The following GPC4 variants were observed in gnomAD, a reference collection of about 807,000 sequenced individuals.
GPC4 encodes the protein glypican-4.
GPC4 carries 10 observed loss-of-function variants against 35.0 expected under a neutral mutation model. The observed-to-expected ratio is 0.29, with a 90% CI of 0.18 to 0.48. The LOEUF is 0.48. Ranked by LOEUF, GPC4 falls within the 20% of genes least tolerant of loss-of-function variation. The pLI is 0.99. For missense variants in GPC4, 322 were observed against 451.3 expected, an observed-to-expected ratio of 0.71 and a Z score of 2.60; for synonymous variants, 167 against 170.2, an observed-to-expected ratio of 0.98 and a Z score of 0.15.
chrX:133,415,054 G>T lies in GPC4; in HGVS notation c.-89C>A. On this transcript the variant is annotated 5_prime_UTR_variant, in exon 1 of 9. Transcript: ENST00000370828. The stretch of plus-strand genomic sequence containing the variant: ...CGGGCCGAGGGCTGGCGGAGTCGGG[G>T]ACTAGCGAGTGGAGCTGGAGGGAGA... 4 of 960,160 alleles carry T rather than the reference G, an allele frequency of 4.2e-6. No individual in the cohort carries two copies. The highest frequency in any genetic ancestry group is 5.7e-6 in the Non-Finnish European group (4 of 697,301). The allele number at this position is 960,160 out of a possible 1,213,427, so 79.1% of individuals were successfully genotyped here.
chrX:133,394,251 C>G (rs1284150894), intron 1 of GPC4, among the ~76,000 whole-genome samples: 1 of 109,452 alleles, frequency 9.1e-6, no homozygotes, highest in African/African-American at 3.3e-5. Flanking sequence ...GCCTGGGTGA[C>G]AGAGCAAGAT....
In GPC4 at chrX:133,369,529, C is replaced by A. The variant is rs143032884; in HGVS notation, c.161-30188G>T. On this transcript the variant is annotated intron_variant, in intron 1 of 8. Transcript: ENST00000370828. ...CAAAATATTTTAAAAATACTTTGCT[C>A]ACAATGTGAATTATAATGCAGCCAT... 6.8e-3 allele frequency among the ~76,000 whole-genome samples: 768 copies of A among 112,146 alleles called. 5 individuals are homozygous for A. Among genetic ancestry groups the A allele is most frequent in the Non-Finnish European group, 0.01 (541 of 53,227 alleles).
chrX:133,304,601 T>C (rs1057101962), intron 7 of GPC4, 124 bp downstream of exon 7: 2 of 792,658 alleles, frequency 2.5e-6, no homozygotes, highest in African/African-American at 4.1e-5. Flanking sequence ...AAGCCTTCCA[T>C]GTTGTTGCTA....
chrX:133,311,500 C>T (rs2068314249), intron 3 of GPC4, 77 bp from the exon 4 acceptor site: 1 of 958,621 alleles, frequency 1.0e-6, no homozygotes, highest in Non-Finnish European at 1.5e-6. Flanking sequence ...CACATTGACA[C>T]TGAAGGCTTG....
chrX:133,411,664 C>T lies in GPC4; in HGVS notation c.160+3142G>A, dbSNP rs1314544792. ...ATAGGAAAGGTCCTGGTGGCAGAAG[C>T]CCCTCCTGCCTTTCTTGCTGTCTCC... On this transcript the variant is annotated intron_variant, in intron 1 of 8. Coordinates refer to ENST00000370828, the MANE Select transcript of GPC4 (RefSeq NM_001448.3). 2.7e-5 allele frequency among the ~76,000 whole-genome samples: 3 copies of T among 111,660 alleles called. No homozygotes were observed. In the East Asian group the frequency reaches 8.4e-4, roughly 31 times the overall value.
At chrX:133,392,747 T>C (rs1239143259) in intron 1 of GPC4, among the ~76,000 whole-genome samples, 1 of 108,840 alleles carries the variant, frequency 9.2e-6, no homozygotes, top group Admixed American at 9.9e-5. Flanking sequence ...AACTCTTTCC[T>C]CTCCTTCCGC....
Position 133,381,987 on chromosome X carries a change from G to A in GPC4, c.160+32819C>T, listed in dbSNP as rs146408353. On this transcript the variant is annotated intron_variant, in intron 1 of 8. Coordinates refer to ENST00000370828, the MANE Select transcript of GPC4 (RefSeq NM_001448.3). ...AAGTGAATCCTTCAGCAAGCCCAAG[G>A]GAACATATACCTGGCATAATCTGAC... 8.2e-3 allele frequency among the ~76,000 whole-genome samples: 918 copies of A among 111,920 alleles called. 2 individuals carry two copies. Among genetic ancestry groups the A allele is most frequent in the Non-Finnish European group, 0.013 (690 of 53,199 alleles).
At chrX:133,325,407 C>A (rs762776456) in intron 2 of GPC4, among the ~76,000 whole-genome samples, 8 of 94,802 alleles carry the variant, frequency 8.4e-5, no homozygotes, top group Non-Finnish European at 1.7e-4. Context: ...CTGGTTATTT[C>A]AGATTTACTT....
chrX:133,322,023 C>T (rs1198246079), intron 3 of GPC4, among the ~76,000 whole-genome samples: 2 of 111,693 alleles, frequency 1.8e-5, no homozygotes, highest in Non-Finnish European at 1.9e-5. Flanking sequence ...CCCATGAGCA[C>T]CTATTTTTCA....
At chrX:133,347,248 G>GT (rs763800349) in intron 1 of GPC4, among the ~76,000 whole-genome samples, 7,181 of 25,236 alleles carry the variant, frequency 0.28, 2,041 homozygotes, top group Non-Finnish European at 0.38. Flanking sequence ...TCTATTAGAA[G>GT]TTTTTTTTTT....
In GPC4 at chrX:133,303,274, T is replaced by A; in HGVS notation, c.1360A>T (p.Thr454Ser). ...AGGATCAGTATGTCTGGTTTGCTGG[T>A]GTCAACCTGGACCTCTGGGTTGTTG... ...QGNNPEVQVD[T>S]SKPDILILRQ... Residue 454 changes from threonine to serine, a missense_variant, in exon 8 of 9, where the codon ACC becomes TCC. Physicochemically the swap from Thr to Ser is moderately conservative, Grantham distance 58 (BLOSUM62 1). This residue lies in a region of GPC4 where 99 missense variants were observed against 110.0 expected (regional missense o/e 0.90). Coordinates refer to ENST00000370828, the MANE Select transcript of GPC4 (RefSeq NM_001448.3). 8.3e-7 allele frequency: 1 copy of A among 1,210,877 alleles called. No individual in the cohort carries two copies. Among genetic ancestry groups the A allele is most frequent in the Non-Finnish European group, 1.1e-6 (1 of 894,651 alleles).
At chrX:133,320,875 C>A (rs924470515) in intron 3 of GPC4, among the ~76,000 whole-genome samples, 1 of 108,659 alleles carries the variant, frequency 9.2e-6, no homozygotes, top group Non-Finnish European at 1.9e-5. Flanking sequence ...ACAACAACAA[C>A]AAAAACCCAA....
chrX:133,406,256 G>A (rs1162830515), intron 1 of GPC4, among the ~76,000 whole-genome samples: 1 of 112,399 alleles, frequency 8.9e-6, no homozygotes, highest in Non-Finnish European at 1.9e-5. Flanking sequence ...TCTACCTGCA[G>A]CAAAGCAGCA....
At chrX:133,317,830 A>C (rs1163907069) in intron 3 of GPC4, among the ~76,000 whole-genome samples, 1 of 106,671 alleles carries the variant, frequency 9.4e-6, no homozygotes, top group African/African-American at 3.5e-5. Context: ...AGTTTCTTCA[A>C]CAATTTCCTA....
At chrX:133,320,569 A>T (rs1465933705) in intron 3 of GPC4, among the ~76,000 whole-genome samples, 1 of 98,592 alleles carries the variant, frequency 1.0e-5, no homozygotes, top group Non-Finnish European at 2.0e-5. Context: ...GGTTGCAGTG[A>T]GTCGAGATTG....
intron 2 of GPC4, among the ~76,000 whole-genome samples, chrX:133,336,660 G>A (rs772376925): frequency 7.5e-4 from 83 of 110,834 alleles, no homozygotes; most frequent in Middle Eastern, 4.7e-3. Context: ...ACCTAACATG[G>A]AGAAAATGTG....
At chrX:133,389,409 T>C (rs1006471146) in intron 1 of GPC4, among the ~76,000 whole-genome samples, 1 of 112,079 alleles carries the variant, frequency 8.9e-6, no homozygotes, top group Admixed American at 9.5e-5. Context: ...CAATTCATCA[T>C]TCTAATGTCC....
At chrX:133,381,859 AC>A (rs758177027) in intron 1 of GPC4, among the ~76,000 whole-genome samples, 1 of 111,940 alleles carries the variant, frequency 8.9e-6, no homozygotes, top group East Asian at 2.8e-4. Flanking sequence ...TAGTGAACTG[AC>A]TATACTTTCC....
intron 1 of GPC4, among the ~76,000 whole-genome samples, chrX:133,403,452 G>A (rs1409397475): frequency 2.7e-5 from 3 of 111,326 alleles, no homozygotes; most frequent in Non-Finnish European, 5.6e-5. Flanking sequence ...TCACATTCAT[G>A]AGGGTTTACC....
Sources: gnomAD v4.1 joint callset for allele counts (sites outside exome capture counted in the v4.1 genomes callset) on GRCh38, gnomAD v4.1.1 for gene constraint, gnomAD v4.1.1 regional missense constraint, MANE v1.5 for transcripts, NCBI Gene and HGNC (gene_info 2026-07-23, HGNC 2026-07-21) for gene names.